Variants in TBC1D30 observed in about 807,000 individuals in gnomAD.
TBC1D30 encodes TBC1 domain family, member 30.
In TBC1D30, 31 loss-of-function variants were observed where a neutral mutation model predicts 63.2. That is an observed-to-expected ratio of 0.49 (90% confidence interval 0.37 to 0.66). The LOEUF is 0.66. Among genes scored for constraint, TBC1D30 ranks in the 30% least tolerant of loss-of-function variants. The probability of loss-of-function intolerance (pLI) is 0.00; values close to 1 mark genes in which losing one functional copy is unlikely to be tolerated. For missense variants in TBC1D30, 810 were observed against 953.6 expected (o/e 0.85, Z 1.98); for synonymous variants, 307 against 361.5 (o/e 0.85, Z 1.71).
At chr12:64,793,750 G>C (rs1352442244) in intron 2 of TBC1D30, among the ~76,000 whole-genome samples, 2 of 152,138 alleles carry the variant, frequency 1.3e-5, no homozygotes, top group African/African-American at 4.8e-5. Context: ...TTAGAAAGAT[G>C]GTCCGGCAGC....
intron 2 of TBC1D30, among the ~76,000 whole-genome samples, chr12:64,803,663 A>C (rs928999007): frequency 8.5e-5 from 13 of 152,216 alleles, no homozygotes; most frequent in African/African-American, 3.1e-4. Flanking sequence ...TCCATCTTGA[A>C]TTAATTTTTG....
chr12:64,862,373 G>T (rs1877862305), intron 8 of TBC1D30, among the ~76,000 whole-genome samples: 1 of 152,230 alleles, frequency 6.6e-6, no homozygotes, highest in African/African-American at 2.4e-5. Context: ...TTTGTTCTTT[G>T]AAGGACTTAC....
At position 64,814,418 on chromosome 12, in the gene TBC1D30, AT is replaced by A. The variant is rs563198246; in HGVS notation, c.644-13414del. On this transcript the variant is annotated intron_variant, in intron 2 of 12. Coordinates refer to the TBC1D30 transcript ENST00000542120. ...ATATTCTTCATGTGCCATAGATAAA[AT>A]TTAAAAAAAAATTTACTGGGAGCCT... 1.8e-4 allele frequency among the ~76,000 whole-genome samples: 28 copies of A among 152,240 alleles called. 1 individual carries two copies. The South Asian group carries it at 3.3e-3, about 18-fold the overall frequency.
intron 2 of TBC1D30, among the ~76,000 whole-genome samples, chr12:64,796,749 T>C (rs949547194): frequency 5.3e-5 from 8 of 152,220 alleles, no homozygotes; most frequent in African/African-American, 1.9e-4. Context: ...AGATATTCTG[T>C]GTTTACTATT....
intron 7 of TBC1D30, among the ~76,000 whole-genome samples, chr12:64,840,985 C>G (rs1875819248): frequency 6.6e-6 from 1 of 152,142 alleles, no homozygotes; most frequent in South Asian, 2.1e-4. Flanking sequence ...CTCCCAATAA[C>G]CCTGTGGAGT....
upstream of TBC1D30, among the ~76,000 whole-genome samples, chr12:64,824,066 G>C (rs2136350246): frequency 8.5e-6 from 1 of 117,356 alleles, no homozygotes; most frequent in Admixed American, 8.9e-5. Flanking sequence ...TGCCGTTTGA[G>C]AATGACTTTT....
At chr12:64,775,279 C>A (rs1004714814) in intron 1 of TBC1D30, among the ~76,000 whole-genome samples, 8 of 151,906 alleles carry the variant, frequency 5.3e-5, no homozygotes, top group Non-Finnish European at 8.8e-5. Context: ...GTATACATAT[C>A]AATAATAACC....
intron 1 of TBC1D30, among the ~76,000 whole-genome samples, chr12:64,827,331 C>T (rs1163261219): frequency 1.3e-5 from 2 of 152,142 alleles, no homozygotes; most frequent in African/African-American, 4.8e-5. Context: ...TGCCTATAAT[C>T]CCAGCTATTT....
intron 1 of TBC1D30, among the ~76,000 whole-genome samples, chr12:64,767,791 G>A (rs866953789): frequency 2.5e-5 from 2 of 81,512 alleles, no homozygotes; most frequent in East Asian, 4.7e-4. Context: ...GCTCCGGCGG[G>A]GGGGGGGGGA....
At chr12:64,770,955 G>A (rs1870887298) in intron 1 of TBC1D30, among the ~76,000 whole-genome samples, 1 of 150,426 alleles carries the variant, frequency 6.6e-6, no homozygotes. Context: ...CTCATGATCT[G>A]CCCACCTCAG....
intron 3 of TBC1D30, among the ~76,000 whole-genome samples, chr12:64,829,025 C>T (rs7969687): frequency 1.0e-4 from 10 of 97,688 alleles, no homozygotes; most frequent in Non-Finnish European, 1.9e-4. Flanking sequence ...TGGGGTGGGG[C>T]GGGGCTGGGG....
intron 2 of TBC1D30, among the ~76,000 whole-genome samples, chr12:64,793,521 G>A (rs957270770): frequency 1.3e-5 from 2 of 151,420 alleles, no homozygotes; most frequent in South Asian, 2.1e-4. Flanking sequence ...TTAGCTGGGC[G>A]TGGTGGCACG....
chr12:64,861,921 G>T (rs1877827608), intron 8 of TBC1D30, among the ~76,000 whole-genome samples: 1 of 152,098 alleles, frequency 6.6e-6, no homozygotes, highest in Non-Finnish European at 1.5e-5. Context: ...AATTACAAGG[G>T]TATGGATACT....
intron 2 of TBC1D30, among the ~76,000 whole-genome samples, chr12:64,801,352 C>T (rs1440132721): frequency 2.0e-5 from 3 of 152,046 alleles, no homozygotes; most frequent in Non-Finnish European, 4.4e-5. Context: ...ACACATGAAG[C>T]AGGTGATTTG....
At chr12:64,841,641 G>A (rs76955880) in intron 7 of TBC1D30, among the ~76,000 whole-genome samples, 4,602 of 152,264 alleles carry the variant, frequency 0.03, 215 homozygotes, top group African/African-American at 0.11. Flanking sequence ...CACTACCCCA[G>A]TGCTGGTCTC....
intron 1 of TBC1D30, among the ~76,000 whole-genome samples, chr12:64,781,654 C>T (rs895021388): frequency 1.3e-5 from 2 of 151,672 alleles, no homozygotes; most frequent in Non-Finnish European, 2.9e-5. Context: ...CTAGAGGGCG[C>T]CGCCAGAATC....
chr12:64,831,498 G>A (rs1411135529), intron 4 of TBC1D30, among the ~76,000 whole-genome samples: 2 of 152,180 alleles, frequency 1.3e-5, no homozygotes, highest in Non-Finnish European at 2.9e-5. Flanking sequence ...AGTGAATGCT[G>A]TGTCAGTTAA....
chr12:64,817,556 C>G (rs768750046), intron 2 of TBC1D30, among the ~76,000 whole-genome samples: 1 of 152,186 alleles, frequency 6.6e-6, no homozygotes, highest in African/African-American at 2.4e-5. Context: ...TGAACTCAAC[C>G]TGGAGAGCGA....
intron 11 of TBC1D30, among the ~76,000 whole-genome samples, chr12:64,872,319 C>T (rs1327204641): frequency 6.6e-6 from 1 of 152,186 alleles, no homozygotes; most frequent in Admixed American, 6.6e-5. Context: ...TGGGCCACCG[C>T]ACCTGGCCTG....
Sources: allele counts gnomAD v4.1 joint callset (sites outside exome capture counted in the v4.1 genomes callset), GRCh38; gene constraint gnomAD v4.1.1; transcripts MANE v1.5; gene names NCBI Gene and HGNC (gene_info 2026-07-23, HGNC 2026-07-21).